PLCG2: variants seen among roughly 807,000 people sequenced by gnomAD.
The protein encoded by PLCG2 is 1-phosphatidylinositol 4,5-bisphosphate phosphodiesterase gamma-2.
Under a neutral mutation model 175.6 loss-of-function variants are expected in PLCG2, and 69 were observed. The ratio of observed to expected loss-of-function variants is 0.39; its 90% CI spans 0.32 to 0.48. The LOEUF (loss-of-function observed/expected upper bound fraction) is 0.48. Among genes scored for constraint, PLCG2 ranks in the 20% least tolerant of loss-of-function variants. The pLI, the probability that PLCG2 is intolerant of heterozygous loss-of-function variation, is 0.91. For synonymous variants in PLCG2, 827 were observed against 624.0 expected (o/e 1.33, Z -4.85); for missense variants, 1,798 against 1,650.9 (o/e 1.09, Z -1.54).
chr16:81,744,834 G>T (rs1386801837), intron 1 of PLCG2, among the ~76,000 whole-genome samples: 6 of 152,072 alleles, frequency 3.9e-5, no homozygotes. Flanking sequence ...CCAAAGTGCT[G>T]GGATTACAGA....
In PLCG2 at chr16:81,870,942, T is replaced by C. The variant is rs752316691; in HGVS notation, c.648+7T>C. The C allele has an allele frequency of 8.0e-6, 12 of 1,493,108 alleles. 1 individual carries two copies. Among genetic ancestry groups the C allele is most frequent in the Admixed American group, 3.5e-5 (2 of 56,584 alleles). 92.5% of individuals were successfully genotyped at this position (1,493,108 alleles called of 1,614,324 possible). A position where few individuals can be genotyped will look rare whatever the true frequency, so the allele number is the denominator to read the frequency against. ...GTTTGAACAGCAAAAATCGGTAAGATGATTCTTGAGCAAGTGATCAAGTGA... is the reference window on the plus strand; with the variant it reads ...GTTTGAACAGCAAAAATCGGTAAGACGATTCTTGAGCAAGTGATCAAGTGA... On this transcript the variant is annotated splice_region_variant and intron_variant, in intron 7 of 32. Transcript: ENST00000564138.
rs537707713 is a variant in PLCG2 at position 81,895,759 on chromosome 16, T to C, written c.1073-48T>C. 3.1e-6 allele frequency: 5 copies of C among 1,608,530 alleles called. No homozygotes were observed. The African/African-American group carries it at 4.0e-5, about 13-fold the overall frequency. Reference sequence around the variant, plus strand: ...GTGGGCCGGGGGCTGACCTCGGGGCTGTCAGTGAACACACGTGGTATTGAG... The same window carrying C: ...GTGGGCCGGGGGCTGACCTCGGGGCCGTCAGTGAACACACGTGGTATTGAG... On this transcript the variant is annotated intron_variant, in intron 12 of 32. Transcript: ENST00000564138.
intron 2 of PLCG2, among the ~76,000 whole-genome samples, chr16:81,832,553 C>G (rs910824370): frequency 2.0e-5 from 3 of 151,134 alleles, no homozygotes; most frequent in Non-Finnish European, 3.0e-5. Flanking sequence ...CCATGCCCAG[C>G]TAATTTGTGT....
In PLCG2 at chr16:81,919,743, C is replaced by T. The variant is rs1289948899; in HGVS notation, c.2235+79C>T. 48 of 1,229,822 alleles carry T rather than the reference C, an allele frequency of 3.9e-5. No homozygotes were observed. In the South Asian group the frequency reaches 6.5e-4, roughly 17 times the overall value. The allele number at this position is 1,229,822 out of a possible 1,614,324, so 76.2% of individuals were successfully genotyped here. On this transcript the variant is annotated intron_variant, in intron 20 of 32. Coordinates refer to ENST00000564138, the MANE Select transcript of PLCG2 (RefSeq NM_002661.5). ...CTCATCTGTTCATGAATTCAGCAAA[C>T]CTCTGAGTATTCACCATGTATCTGA...
chr16:81,907,784 C>A lies in PLCG2; in HGVS notation c.1557+10C>A, dbSNP rs372083518. On this transcript the variant is annotated intron_variant, in intron 16 of 32. Transcript: ENST00000564138. ...GGAGGAAGTGCCCCAGGTAGGGGGA[C>A]ACCCTAGCCACATAGGGAGGAGGTC... is the stretch of plus-strand genomic sequence containing the variant. The A allele has an allele frequency of 6.2e-7, 1 of 1,602,386 alleles. No homozygotes were observed. Among genetic ancestry groups the A allele is most frequent in the Non-Finnish European group, 8.5e-7 (1 of 1,170,472 alleles).
In PLCG2 at chr16:81,958,710, G is replaced by A. The variant is rs1567550882; in HGVS notation, c.*712G>A. 2 of 222,004 alleles carry A rather than the reference G, an allele frequency of 9.0e-6. No homozygotes were observed. Among genetic ancestry groups the A allele is most frequent in the Non-Finnish European group, 1.8e-5 (2 of 111,058 alleles). 13.8% of individuals were successfully genotyped at this position (222,004 alleles called of 1,614,324 possible). A position where few individuals can be genotyped will look rare whatever the true frequency, so the allele number is the denominator to read the frequency against. On this transcript the variant is annotated 3_prime_UTR_variant, in exon 33 of 33. Coordinates refer to ENST00000564138, the MANE Select transcript of PLCG2 (RefSeq NM_002661.5). ...TCAGAGAGACCAGAGCCGTGCTGCAGGGGCAGGTTCTCACTTGCCCCTGGC... is the reference window on the plus strand; with the variant it reads ...TCAGAGAGACCAGAGCCGTGCTGCAAGGGCAGGTTCTCACTTGCCCCTGGC...
chr16:81,769,751 C>A (rs1446724970), intron 2 of PLCG2, among the ~76,000 whole-genome samples: 1 of 130,580 alleles, frequency 7.7e-6, no homozygotes, highest in African/African-American at 2.9e-5. Context: ...ACCCGGGAGG[C>A]GGAGCTTGCA....
intron 9 of PLCG2, among the ~76,000 whole-genome samples, chr16:81,886,641 A>G (rs1908381032): frequency 1.3e-5 from 2 of 152,216 alleles, no homozygotes; most frequent in South Asian, 4.1e-4. Context: ...AAGGGGGTTA[A>G]AAGTATGTTT....
intron 2 of PLCG2, among the ~76,000 whole-genome samples, chr16:81,790,921 A>G (rs540126525): frequency 1.3e-4 from 20 of 152,186 alleles, no homozygotes; most frequent in Non-Finnish European, 2.9e-4. Context: ...TCCGCACCAC[A>G]GAGAGTGATC....
At chr16:81,764,491 A>T (rs1038872468) in intron 2 of PLCG2, among the ~76,000 whole-genome samples, 1 of 152,098 alleles carries the variant, frequency 6.6e-6, no homozygotes, top group African/African-American at 2.4e-5. Context: ...ATCTGAATAG[A>T]TTCACTCTCC....
At chr16:81,909,312 G>A (rs1909515921) in intron 17 of PLCG2, among the ~76,000 whole-genome samples, 2 of 152,166 alleles carry the variant, frequency 1.3e-5, no homozygotes, top group Non-Finnish European at 2.9e-5. Flanking sequence ...GAGTTGGGGG[G>A]ATTTGTGAAA....
At chr16:81,948,096 ATAGGT>A (rs1911221640) in intron 31 of PLCG2, among the ~76,000 whole-genome samples, 6 of 152,226 alleles carry the variant, frequency 3.9e-5, no homozygotes, top group Admixed American at 1.3e-4. Context: ...TATAAATAAT[ATAGGT>A]CTTCATGTAA....
At chr16:81,849,369 A>G (rs578223952) in intron 2 of PLCG2, among the ~76,000 whole-genome samples, 2 of 152,292 alleles carry the variant, frequency 1.3e-5, no homozygotes, top group South Asian at 2.1e-4. Flanking sequence ...AAATCTGGCT[A>G]TTGCTGGAAG....
At chr16:81,952,432 C>G (rs1028978344) in intron 31 of PLCG2, among the ~76,000 whole-genome samples, 2 of 152,040 alleles carry the variant, frequency 1.3e-5, no homozygotes, top group Non-Finnish European at 2.9e-5. Context: ...AAAAAGAAAT[C>G]AGGGCTCCTT....
chr16:81,772,485 T>C (rs1233986834), intron 2 of PLCG2, among the ~76,000 whole-genome samples: 4 of 152,022 alleles, frequency 2.6e-5, no homozygotes, highest in Admixed American at 1.3e-4. Flanking sequence ...ACACGGGGCC[T>C]GGTATTAAAT....
chr16:81,870,868 A>C lies in PLCG2; in HGVS notation c.581A>C (p.Lys194Thr). 6.3e-7 allele frequency: 1 copy of C among 1,596,616 alleles called. No individual in the cohort carries two copies. The highest frequency in any genetic ancestry group is 1.1e-5 in the South Asian group (1 of 88,376). ...KDKFVEIGAH[K>T]DELSFEQFHL... ...TATTTACAGGAAATAGGAGCACACA[A>C]AGATGAGCTCAGCTTTGAACAGTTC... is the stretch of plus-strand genomic sequence containing the variant. Residue 194 changes from lysine to threonine, a missense_variant, in exon 7 of 33, where the codon AAA becomes ACA. By Grantham distance (78) the Lys-to-Thr change is moderately conservative. Transcript: ENST00000564138.
At chr16:81,949,730 C>T (rs1286875438) in intron 31 of PLCG2, among the ~76,000 whole-genome samples, 1 of 151,984 alleles carries the variant, frequency 6.6e-6, no homozygotes, top group Non-Finnish European at 1.5e-5. Context: ...AAAATTTTGT[C>T]ATGGTAAATA....
At chr16:81,869,153 G>C (rs1907389712) in intron 5 of PLCG2, 61 bp from the exon 6 acceptor site, 1 of 1,292,878 alleles carries the variant, frequency 7.7e-7, no homozygotes, top group Non-Finnish European at 1.1e-6. Context: ...GATGGGAGCA[G>C]CTAAATCCTG....
At chr16:81,764,741 G>A (rs1050286174) in intron 2 of PLCG2, among the ~76,000 whole-genome samples, 2 of 152,118 alleles carry the variant, frequency 1.3e-5, no homozygotes, top group African/African-American at 4.8e-5. Flanking sequence ...TTGGAAAGAG[G>A]GTCTTTGCAG....
Sources: gnomAD v4.1 joint callset for allele counts (sites outside exome capture counted in the v4.1 genomes callset) on GRCh38, gnomAD v4.1.1 for gene constraint, MANE v1.5 for transcripts, NCBI Gene and HGNC (gene_info 2026-07-23, HGNC 2026-07-21) for gene names.